Variants in STXBP5L observed in about 807,000 individuals in gnomAD.
STXBP5L encodes syntaxin-binding protein 5-like.
Under a neutral mutation model 144.5 loss-of-function variants are expected in STXBP5L, and 65 were observed. The observed-to-expected ratio is 0.45, with a 90% confidence interval of 0.37 to 0.55. The LOEUF (loss-of-function observed/expected upper bound fraction) is 0.55. Ranked by LOEUF, STXBP5L falls within the 20% of genes least tolerant of loss-of-function variation. The pLI is 0.00. For missense variants in STXBP5L, 1,298 were observed against 1,405.5 expected, an observed-to-expected ratio of 0.92 and a Z score of 1.22; for synonymous variants, 505 against 469.6, an observed-to-expected ratio of 1.08 and a Z score of -0.97.
chr3:121,164,893 A>T (rs2046447474), intron 9 of STXBP5L, among the ~76,000 whole-genome samples: 2 of 152,178 alleles, frequency 1.3e-5, no homozygotes, highest in Non-Finnish European at 2.9e-5. Context: ...AGCCTGGGGG[A>T]GAAAACAGGG....
intron 5 of STXBP5L, among the ~76,000 whole-genome samples, chr3:121,059,106 G>A (rs369965420): frequency 3.5e-4 from 53 of 152,264 alleles, no homozygotes; most frequent in African/African-American, 1.1e-3. Context: ...ATGATTTTAG[G>A]TCTTACGTTT....
rs140016509 is a variant in STXBP5L at position 121,030,121 on chromosome 3, G to T, written c.288-11579G>T. Among the ~76,000 whole-genome samples, 6 of 152,268 alleles carry T rather than the reference G, an allele frequency of 3.9e-5. No individual in the cohort carries two copies. In the East Asian group the frequency reaches 1.2e-3, roughly 29 times the overall value. ...CAACCATTGTGGAAGACAGTGTGAT[G>T]ATTCCTCAAGGATCTAGAACCAGAA... On this transcript the variant is annotated intron_variant, in intron 3 of 26. Coordinates refer to ENST00000471454, the MANE Select transcript of STXBP5L (RefSeq NM_001308330.2).
At chr3:121,047,451 G>A (rs1007792769) in intron 5 of STXBP5L, among the ~76,000 whole-genome samples, 1 of 152,072 alleles carries the variant, frequency 6.6e-6, no homozygotes, top group Non-Finnish European at 1.5e-5. Context: ...TGTCAGTAGG[G>A]TGTTGAAGTC....
intron 5 of STXBP5L, among the ~76,000 whole-genome samples, chr3:121,090,871 G>A (rs2042748736): frequency 6.6e-6 from 1 of 151,770 alleles, no homozygotes; most frequent in East Asian, 1.9e-4. Flanking sequence ...CTGGTGTGCT[G>A]CACCCACTAA....
chr3:120,990,132 G>A (rs1204154930), intron 3 of STXBP5L, among the ~76,000 whole-genome samples: 2 of 152,028 alleles, frequency 1.3e-5, no homozygotes, highest in Non-Finnish European at 2.9e-5. Flanking sequence ...AAATCAATGG[G>A]CAAAAATCAC....
intron 9 of STXBP5L, among the ~76,000 whole-genome samples, chr3:121,160,962 T>C (rs181811414): frequency 6.6e-6 from 1 of 152,292 alleles, no homozygotes; most frequent in African/African-American, 2.4e-5. Flanking sequence ...TTGCAAATCT[T>C]GTAACCATGT....
At chr3:121,240,638 T>C in intron 14 of STXBP5L, 131 bp downstream of exon 14, 2 of 771,246 alleles carry the variant, frequency 2.6e-6, no homozygotes, top group South Asian at 3.8e-5. Flanking sequence ...AGAAATAGCT[T>C]CTACCCAAAG....
chr3:121,050,695 G>C (rs1337778480), intron 5 of STXBP5L, among the ~76,000 whole-genome samples: 1 of 152,122 alleles, frequency 6.6e-6, no homozygotes, highest in Non-Finnish European at 1.5e-5. Flanking sequence ...AAAATAACCA[G>C]CTAACATCAT....
chr3:121,259,239 T>C lies in STXBP5L; in HGVS notation c.1958+71T>C. On this transcript the variant is annotated intron_variant, in intron 18 of 26. Transcript: ENST00000471454. ...GTTTGATTTTTTAGATGTTCCTTGC[T>C]TAAGTCCTAAAAATGAAAAGAAGCC... is the stretch of plus-strand genomic sequence containing the variant. 11 of 1,251,584 alleles carry C rather than the reference T, an allele frequency of 8.8e-6. No individual in the cohort carries two copies. In the South Asian group the frequency reaches 2.8e-4, roughly 32 times the overall value. The allele number at this position is 1,251,584 out of a possible 1,614,324, so 77.5% of individuals were successfully genotyped here. A position where few individuals can be genotyped will look rare whatever the true frequency, so the allele number is the denominator to read the frequency against.
intron 3 of STXBP5L, among the ~76,000 whole-genome samples, chr3:120,984,806 C>G (rs563180443): frequency 6.6e-6 from 1 of 151,940 alleles, no homozygotes; most frequent in African/African-American, 2.4e-5. Flanking sequence ...GGGTTATTCA[C>G]ATATAGCCTT....
chr3:121,078,674 CG>C (rs1454921263), intron 5 of STXBP5L, among the ~76,000 whole-genome samples: 1 of 151,902 alleles, frequency 6.6e-6, no homozygotes, highest in Admixed American at 6.5e-5. Flanking sequence ...AGCCCTGCCC[CG>C]CTGCAGGTTC....
intron 20 of STXBP5L, among the ~76,000 whole-genome samples, chr3:121,370,460 C>T (rs1184544229): frequency 6.6e-6 from 1 of 152,184 alleles, no homozygotes; most frequent in Non-Finnish European, 1.5e-5. Flanking sequence ...TTTCCTGAGG[C>T]CTCCTCAGAA....
chr3:121,348,229 C>T (rs1290976229), intron 20 of STXBP5L, among the ~76,000 whole-genome samples: 7 of 152,040 alleles, frequency 4.6e-5, no homozygotes, highest in African/African-American at 1.2e-4. Flanking sequence ...TGGTTTTTGT[C>T]GTTGGTTCTG....
At chr3:120,986,803 A>AC (rs1942328769) in intron 3 of STXBP5L, among the ~76,000 whole-genome samples, 2 of 151,974 alleles carry the variant, frequency 1.3e-5, no homozygotes, top group African/African-American at 4.8e-5. Flanking sequence ...AATACTTTAA[A>AC]TAAAAAAATT....
At chr3:121,000,464 G>T (rs1251055374) in intron 3 of STXBP5L, among the ~76,000 whole-genome samples, 1 of 151,822 alleles carries the variant, frequency 6.6e-6, no homozygotes, top group East Asian at 1.9e-4. Flanking sequence ...TATCAGATCA[G>T]TTAGGTTCTT....
At chr3:121,339,787 A>G (rs749942952) in intron 20 of STXBP5L, among the ~76,000 whole-genome samples, 1 of 151,758 alleles carries the variant, frequency 6.6e-6, no homozygotes, top group African/African-American at 2.4e-5. Context: ...AGAATCAAAT[A>G]AAAAACTCAG....
chr3:120,986,901 C>T (rs139796694), intron 3 of STXBP5L, among the ~76,000 whole-genome samples: 15 of 151,664 alleles, frequency 9.9e-5, no homozygotes, highest in African/African-American at 3.6e-4. Context: ...GTCTAAAGAA[C>T]GAGAAAAGGT....
chr3:121,005,182 G>A (rs1435047082), intron 3 of STXBP5L, among the ~76,000 whole-genome samples: 1 of 152,062 alleles, frequency 6.6e-6, no homozygotes, highest in Non-Finnish European at 1.5e-5. Context: ...ATCTGGTCCT[G>A]GACTTTTTTT....
At chr3:120,928,559 C>A (rs558079453) in intron 2 of STXBP5L, among the ~76,000 whole-genome samples, 4 of 152,100 alleles carry the variant, frequency 2.6e-5, no homozygotes, top group Admixed American at 6.5e-5. Context: ...CCGCACCTGG[C>A]CTAAATTCTG....
Sources: allele counts gnomAD v4.1 joint callset (sites outside exome capture counted in the v4.1 genomes callset), GRCh38; gene constraint gnomAD v4.1.1; transcripts MANE v1.5; gene names NCBI Gene and HGNC (gene_info 2026-07-23, HGNC 2026-07-21).